The following AFAP1L1 variants were observed in gnomAD, a reference collection of about 807,000 sequenced individuals.
AFAP1L1 encodes the protein actin filament associated protein 1 like 1.
Under a neutral mutation model 99.8 loss-of-function variants are expected in AFAP1L1, and 77 were observed. That is an observed-to-expected ratio of 0.77 (90% CI 0.64 to 0.93). AFAP1L1 has a LOEUF of 0.93. Ranked by LOEUF, AFAP1L1 falls within the 40% of genes least tolerant of loss-of-function variation. The pLI, the probability that AFAP1L1 is intolerant of heterozygous loss-of-function variation, is 0.00. For synonymous variants in AFAP1L1, 373 were observed against 395.3 expected (o/e 0.94, Z 0.67); for missense variants, 893 against 996.8 (o/e 0.90, Z 1.40).
Position 149,318,019 on chromosome 5 carries a change from C to T in AFAP1L1, c.1479+79C>T, listed in dbSNP as rs530401207. ...AGTGTCATGTTTTTGTTTGGGGGAG[C>T]CCTTGCTACTGACACCATGGGGACT... On this transcript the variant is annotated intron_variant, in intron 12 of 18. Coordinates refer to ENST00000296721, the MANE Select transcript of AFAP1L1 (RefSeq NM_152406.4). 37 of 1,471,992 alleles carry T rather than the reference C, an allele frequency of 2.5e-5. No individual in the cohort carries two copies. In the East Asian group the frequency reaches 9.2e-4, roughly 37 times the overall value. 91.2% of individuals were successfully genotyped at this position (1,471,992 alleles called of 1,614,324 possible). A position where few individuals can be genotyped will look rare whatever the true frequency, so the allele number is the denominator to read the frequency against.
chr5:149,290,998 G>T (rs1299993943), intron 1 of AFAP1L1, among the ~76,000 whole-genome samples: 1 of 152,214 alleles, frequency 6.6e-6, no homozygotes, highest in African/African-American at 2.4e-5. Context: ...ACAAAATCTT[G>T]CCATGTGAAG....
At chr5:149,275,894 C>T (rs1326577708) in intron 1 of AFAP1L1, among the ~76,000 whole-genome samples, 2 of 152,158 alleles carry the variant, frequency 1.3e-5, no homozygotes, top group Non-Finnish European at 2.9e-5. Flanking sequence ...CCATAAAGAC[C>T]CTGTCTCCAA....
intron 1 of AFAP1L1, among the ~76,000 whole-genome samples, chr5:149,299,180 C>T (rs1756106569): frequency 6.6e-6 from 1 of 152,196 alleles, no homozygotes; most frequent in African/African-American, 2.4e-5. Context: ...AGAGGGCAAT[C>T]TGGGACAGAG....
At chr5:149,316,400 C>T (rs973545976) in intron 11 of AFAP1L1, 97 bp downstream of exon 11, 14 of 1,461,124 alleles carry the variant, frequency 9.6e-6, no homozygotes, top group Admixed American at 1.9e-5. Context: ...CCACCTCACC[C>T]CCAGGGCAGG....
Position 149,293,172 on chromosome 5 carries a change from G to A in AFAP1L1, c.17-6337G>A, listed in dbSNP as rs116001829. Reference sequence around the variant, plus strand: ...CAGATGAGTGAAGAGAGCAGCCATCGAGTGCCTGAGCACCATACACATCAG... The same window carrying A: ...CAGATGAGTGAAGAGAGCAGCCATCAAGTGCCTGAGCACCATACACATCAG... On this transcript the variant is annotated intron_variant, in intron 1 of 18. Coordinates refer to ENST00000296721, the MANE Select transcript of AFAP1L1 (RefSeq NM_152406.4). Among the ~76,000 whole-genome samples the A allele has an allele frequency of 2.6e-3, 392 of 152,304 alleles. 2 individuals are homozygous for A. The highest frequency in any genetic ancestry group is 8.9e-3 in the African/African-American group (368 of 41,552).
At chr5:149,313,060 A>G (rs1581324682) in intron 9 of AFAP1L1, among the ~76,000 whole-genome samples, 1 of 151,270 alleles carries the variant, frequency 6.6e-6, no homozygotes, top group East Asian at 2.0e-4. Context: ...CGGGAGGCAG[A>G]GGTTGTGGTG....
chr5:149,310,833 G>A (rs1024280731), intron 8 of AFAP1L1, among the ~76,000 whole-genome samples: 1 of 152,202 alleles, frequency 6.6e-6, no homozygotes, highest in Non-Finnish European at 1.5e-5. Flanking sequence ...TGATGACATG[G>A]GAGAGGGGAC....
chr5:149,300,365 C>G lies in AFAP1L1; in HGVS notation c.229+11C>G. 6.2e-7 allele frequency: 1 copy of G among 1,608,610 alleles called. No individual in the cohort carries two copies. Among genetic ancestry groups the G allele is most frequent in the Non-Finnish European group, 8.5e-7 (1 of 1,176,288 alleles). ...TCTTTGAAGAATTTGGTAAGTGACC[C>G]TCTCCCAACCTCAGCTACGGAGCCA... On this transcript the variant is annotated intron_variant, in intron 3 of 18. Coordinates refer to ENST00000296721, the MANE Select transcript of AFAP1L1 (RefSeq NM_152406.4).
rs1246414706 is a variant in AFAP1L1, at chr5:149,311,656, C to T, written c.928-456C>T. Among the ~76,000 whole-genome samples, 5 of 152,184 alleles carry T rather than the reference C, an allele frequency of 3.3e-5. No homozygotes were observed. In the East Asian group the frequency reaches 9.6e-4, roughly 29 times the overall value. ...CTTTAGGAGATGGAGGTGATAACTCCAGCTACCCTACAGGTTGCTGTAAAG... is the reference window on the plus strand; with the variant it reads ...CTTTAGGAGATGGAGGTGATAACTCTAGCTACCCTACAGGTTGCTGTAAAG... On this transcript the variant is annotated intron_variant, in intron 8 of 18. Transcript: ENST00000296721.
chr5:149,333,766 C>A (rs1406247619), intron 17 of AFAP1L1, among the ~76,000 whole-genome samples: 1 of 152,216 alleles, frequency 6.6e-6, no homozygotes, highest in Non-Finnish European at 1.5e-5. Context: ...GCCAGTAGCA[C>A]CTCCCTTCCA....
At chr5:149,281,220 T>C (rs1266025215) in intron 1 of AFAP1L1, among the ~76,000 whole-genome samples, 2 of 152,204 alleles carry the variant, frequency 1.3e-5, no homozygotes, top group African/African-American at 2.4e-5. Context: ...CACTAAATTC[T>C]TTTTTCTGGA....
At position 149,300,325 on chromosome 5, in the gene AFAP1L1, G is replaced by C; in HGVS notation, c.200G>C (p.Ser67Thr). 3 of 1,613,468 alleles carry C rather than the reference G, an allele frequency of 1.9e-6. No homozygotes were observed. The highest frequency in any genetic ancestry group is 1.7e-5 in the Admixed American group (1 of 59,992). The stretch of plus-strand genomic sequence containing the variant: ...ACAGCAGACCTCCACTCGGGGCCCA[G>C]CTTCGTGGAATCCCTCTTTGAAGAA... ...VNTADLHSGP[S>T]FVESLFEEFD... Residue 67 changes from serine to threonine, a missense_variant, in exon 3 of 19, where the codon AGC becomes ACC. By Grantham distance (58) the Ser-to-Thr change is moderately conservative. Coordinates refer to ENST00000296721, the MANE Select transcript of AFAP1L1 (RefSeq NM_152406.4).
At chr5:149,279,698 C>G (rs1755453422) in intron 1 of AFAP1L1, among the ~76,000 whole-genome samples, 2 of 152,192 alleles carry the variant, frequency 1.3e-5, no homozygotes, top group African/African-American at 4.8e-5. Context: ...CCTGTCTGCC[C>G]TCTGCACACT....
At chr5:149,307,818 T>G (rs79501271) in intron 7 of AFAP1L1, among the ~76,000 whole-genome samples, 1 of 100,504 alleles carries the variant, frequency 9.9e-6, no homozygotes, top group Non-Finnish European at 1.9e-5. Context: ...GTGCCTCTCT[T>G]TCTCTCTCTC....
intron 15 of AFAP1L1, among the ~76,000 whole-genome samples, chr5:149,325,672 G>A (rs1339706644): frequency 2.6e-5 from 4 of 152,170 alleles, no homozygotes; most frequent in East Asian, 3.9e-4. Flanking sequence ...AATTTGTTTT[G>A]TGCTGCTATA....
intron 17 of AFAP1L1, 38 bp downstream of exon 17, chr5:149,332,911 C>CTAT (rs1757298851): frequency 6.6e-7 from 1 of 1,514,136 alleles, no homozygotes; most frequent in Non-Finnish European, 8.8e-7. Context: ...GCAGCTACTC[C>CTAT]TATGTCCCTC....
intron 16 of AFAP1L1, among the ~76,000 whole-genome samples, 189 bp downstream of exon 16, chr5:149,330,019 TAAAG>T (rs1392417023): frequency 1.3e-5 from 2 of 152,098 alleles, no homozygotes; most frequent in African/African-American, 2.4e-5. Flanking sequence ...TCCTCCCAAT[TAAAG>T]AAAGTGCCAT....
At chr5:149,300,092 G>A (rs1257912984) in intron 2 of AFAP1L1, among the ~76,000 whole-genome samples, 179 bp from the exon 3 acceptor site, 2 of 152,228 alleles carry the variant, frequency 1.3e-5, no homozygotes, top group African/African-American at 4.8e-5. Flanking sequence ...TGGAGAAAGA[G>A]ATCCTCAATA....
intron 1 of AFAP1L1, among the ~76,000 whole-genome samples, chr5:149,284,040 A>C (rs971350064): frequency 9.2e-5 from 14 of 152,280 alleles, no homozygotes; most frequent in African/African-American, 3.1e-4. Flanking sequence ...TTCAAGGGAC[A>C]CTTCCTAGCC....
Sources: gnomAD v4.1 joint callset for allele counts (sites outside exome capture counted in the v4.1 genomes callset) on GRCh38, gnomAD v4.1.1 for gene constraint, MANE v1.5 for transcripts, NCBI Gene and HGNC (gene_info 2026-07-23, HGNC 2026-07-21) for gene names.